MYO5A: variants seen among roughly 807,000 people sequenced by gnomAD.
The protein encoded by MYO5A is myosin VA, also known as unconventional myosin-Va.
In MYO5A, 98 loss-of-function variants were observed where a neutral mutation model predicts 249.7. That is an observed-to-expected ratio of 0.39 (90% confidence interval 0.33 to 0.46). MYO5A has a LOEUF of 0.46. MYO5A is among the 20% of genes least tolerant of loss of function. MYO5A has a pLI of 0.98. For synonymous variants in MYO5A, 778 were observed against 810.6 expected, an observed-to-expected ratio of 0.96 and a Z score of 0.68; for missense variants, 1,696 against 2,308.8, an observed-to-expected ratio of 0.73 and a Z score of 5.44.
Position 52,317,232 on chromosome 15 carries a change from A to G in MYO5A, c.5235-10T>C. On this transcript the variant is annotated splice_polypyrimidine_tract_variant and intron_variant, in intron 39 of 41. Transcript: ENST00000399233. ...TTGACTGACATTGTACCTATGAAAA[A>G]AAAGAGATACAGAGAATGCAAATTT... 6.2e-7 allele frequency: 1 copy of G among 1,613,326 alleles called. No homozygotes were observed. The highest frequency in any genetic ancestry group is 8.5e-7 in the Non-Finnish European group (1 of 1,179,920).
chr15:52,485,453 G>A (rs1181692295), intron 1 of MYO5A, among the ~76,000 whole-genome samples: 2 of 152,094 alleles, frequency 1.3e-5, no homozygotes, highest in Non-Finnish European at 2.9e-5. Context: ...GTTGATCTCT[G>A]CACGAGACCT....
chr15:52,511,043 A>G (rs1173156865), intron 1 of MYO5A, among the ~76,000 whole-genome samples: 2 of 152,216 alleles, frequency 1.3e-5, no homozygotes, highest in Non-Finnish European at 2.9e-5. Context: ...TTGGACCTCA[A>G]TGACTCCCAC....
chr15:52,330,411 T>C lies in MYO5A; in HGVS notation c.4497A>G (p.Gln1499=), dbSNP rs774503793. ...VNIPRKEKDF[Q]GMLEYKKEDE... is the part of the protein sequence containing the mutation. ...CCTCCTTCTTGTATTCCAGCATCCCTTGGAAATCCTTTTCTTTCCTGGGAA... is the reference window on the plus strand; with the variant it reads ...CCTCCTTCTTGTATTCCAGCATCCCCTGGAAATCCTTTTCTTTCCTGGGAA... Residue 1499 remains glutamine, a synonymous_variant, in exon 35 of 42, where the codon CAA becomes CAG. Transcript: ENST00000399233. The C allele has an allele frequency of 1.2e-6, 2 of 1,614,164 alleles. No individual in the cohort carries two copies. Among genetic ancestry groups the C allele is most frequent in the South Asian group, 1.1e-5 (1 of 91,086 alleles).
intron 20 of MYO5A, among the ~76,000 whole-genome samples, chr15:52,374,184 T>C (rs1028677341): frequency 3.3e-5 from 5 of 152,276 alleles, no homozygotes; most frequent in African/African-American, 9.6e-5. Flanking sequence ...TGGTCACAGG[T>C]GATAATTAAG....
At chr15:52,482,791 G>C (rs979281685) in intron 1 of MYO5A, among the ~76,000 whole-genome samples, 1 of 152,128 alleles carries the variant, frequency 6.6e-6, no homozygotes, top group Non-Finnish European at 1.5e-5. Context: ...AGGAGCCTGA[G>C]GCCCAGATTC....
At chr15:52,430,642 C>A (rs2075508356) in intron 2 of MYO5A, among the ~76,000 whole-genome samples, 1 of 152,140 alleles carries the variant, frequency 6.6e-6, no homozygotes. Context: ...TGTCCCTAGT[C>A]TTGCTTTTAT....
chr15:52,384,268 A>C lies in MYO5A; in HGVS notation c.1807T>G (p.Ser603Ala). ...GGTGTGCGCCCTGAGGAGGTGGCTG[A>C]AGTTGGACTGATGGCCTTCTCATCA... ...QDDEKAISPTSATSSGRTPLT... is the reference protein window; with the variant it reads ...QDDEKAISPTAATSSGRTPLT... The change falls in exon 15 of 42, where the codon TCA becomes GCA. Residue 603 changes from serine (S) to alanine (A), a missense_variant. Physicochemically the swap from Ser to Ala is moderately conservative, Grantham distance 99 (BLOSUM62 1). This residue lies in a region of MYO5A where 277 missense variants were observed against 422.4 expected (regional missense o/e 0.66). Coordinates refer to ENST00000399233, the MANE Select transcript of MYO5A (RefSeq NM_001382347.1). 1 of 1,614,170 alleles carries C rather than the reference A, an allele frequency of 6.2e-7. No individual in the cohort carries two copies. The highest frequency in any genetic ancestry group is 1.3e-5 in the African/African-American group (1 of 75,046).
Position 52,364,833 on chromosome 15 carries a change from G to A in MYO5A, c.3161-131C>T, listed in dbSNP as rs540058181. The stretch of plus-strand genomic sequence containing the variant: ...AGTATCACTGTGATCCATGAAGAGT[G>A]TCTTAGTAAAATTTAGGAAAAGAAA... On this transcript the variant is annotated intron_variant, in intron 23 of 41. Transcript: ENST00000399233. The A allele has an allele frequency of 4.9e-4, 499 of 1,014,284 alleles. 3 individuals are homozygous for A. In the Middle Eastern group the frequency reaches 5.4e-3, roughly 11 times the overall value. 62.8% of individuals were successfully genotyped at this position (1,014,284 alleles called of 1,614,324 possible). A position where few individuals can be genotyped will look rare whatever the true frequency, so the allele number is the denominator to read the frequency against.
intron 39 of MYO5A, among the ~76,000 whole-genome samples, chr15:52,317,967 A>G (rs1185434304): frequency 6.6e-6 from 1 of 152,252 alleles, no homozygotes; most frequent in East Asian, 1.9e-4. Context: ...ATTTCCATGC[A>G]GAGCTTATAG....
chr15:52,455,403 T>C (rs902486913), intron 1 of MYO5A, among the ~76,000 whole-genome samples: 2 of 152,020 alleles, frequency 1.3e-5, no homozygotes, highest in African/African-American at 2.4e-5. Flanking sequence ...TAATACCAAT[T>C]CTGCTCAAAC....
chr15:52,392,642 C>A (rs2042294187), intron 11 of MYO5A, among the ~76,000 whole-genome samples: 1 of 152,260 alleles, frequency 6.6e-6, no homozygotes, highest in South Asian at 2.1e-4. Flanking sequence ...ATTCTGTTAG[C>A]AACTGCAACT....
intron 18 of MYO5A, among the ~76,000 whole-genome samples, chr15:52,377,597 G>A (rs558925264): frequency 5.2e-5 from 7 of 134,850 alleles, no homozygotes; most frequent in Middle Eastern, 4.5e-3. Context: ...TTTGAGATGA[G>A]TCTCGCTCTG....
At chr15:52,480,577 T>C (rs1166930155) in intron 1 of MYO5A, among the ~76,000 whole-genome samples, 2 of 152,126 alleles carry the variant, frequency 1.3e-5, no homozygotes, top group Non-Finnish European at 2.9e-5. Context: ...GAAGCAAACA[T>C]AATGGATCTG....
At chr15:52,367,192 G>T in intron 22 of MYO5A, 68 bp from the exon 23 acceptor site, 1 of 1,354,742 alleles carries the variant, frequency 7.4e-7, no homozygotes, top group Non-Finnish European at 1.0e-6. Flanking sequence ...CAAGGATAAA[G>T]ACCATAAGCA....
intron 22 of MYO5A, among the ~76,000 whole-genome samples, chr15:52,368,005 T>G (rs555765064): frequency 5.9e-5 from 9 of 152,196 alleles, no homozygotes; most frequent in Admixed American, 1.3e-4. Context: ...AAGTACATAA[T>G]TTACTCAGCT....
At chr15:52,391,099 G>A (rs770325246) in intron 12 of MYO5A, among the ~76,000 whole-genome samples, 35 of 151,920 alleles carry the variant, frequency 2.3e-4, no homozygotes, top group African/African-American at 8.2e-4. Flanking sequence ...CTGGGTCAAG[G>A]GTATGTAGTT....
At chr15:52,509,146 A>AT (rs2077338702) in intron 1 of MYO5A, among the ~76,000 whole-genome samples, 1 of 151,942 alleles carries the variant, frequency 6.6e-6, no homozygotes, top group Admixed American at 6.6e-5. Context: ...TAATATTTTA[A>AT]TTTTTTGTAG....
intron 11 of MYO5A, 46 bp from the exon 12 acceptor site, chr15:52,392,116 C>T: frequency 6.4e-7 from 1 of 1,566,866 alleles, no homozygotes; most frequent in Non-Finnish European, 8.7e-7. Flanking sequence ...ATCATTGTAA[C>T]AAAGAATGTA....
intron 1 of MYO5A, among the ~76,000 whole-genome samples, chr15:52,443,541 T>G (rs2075826416): frequency 6.6e-6 from 1 of 151,322 alleles, no homozygotes; most frequent in African/African-American, 2.4e-5. Flanking sequence ...AGAAACCCCG[T>G]CTCTACTAAA....
Sources: gnomAD v4.1 joint callset for allele counts (sites outside exome capture counted in the v4.1 genomes callset) on GRCh38, gnomAD v4.1.1 for gene constraint, gnomAD v4.1.1 regional missense constraint, MANE v1.5 for transcripts, NCBI Gene and HGNC (gene_info 2026-07-23, HGNC 2026-07-21) for gene names.